Variants in GALNT14 observed in about 807,000 individuals in gnomAD.
GALNT14 encodes polypeptide N-acetylgalactosaminyltransferase 14.
In GALNT14, 60 loss-of-function variants were observed where a neutral mutation model predicts 77.5. The ratio of observed to expected loss-of-function variants is 0.77; its 90% confidence interval spans 0.63 to 0.96. The LOEUF is 0.96. Among genes scored for constraint, GALNT14 ranks in the 40% least tolerant of loss-of-function variants. The pLI is 0.00. For missense variants in GALNT14, 710 were observed against 731.0 expected, an observed-to-expected ratio of 0.97 and a Z score of 0.33; for synonymous variants, 280 against 281.7, an observed-to-expected ratio of 0.99 and a Z score of 0.06.
At chr2:30,960,520 G>A (rs1309309955) in intron 3 of GALNT14, among the ~76,000 whole-genome samples, 1 of 152,184 alleles carries the variant, frequency 6.6e-6, no homozygotes, top group Non-Finnish European at 1.5e-5. Context: ...AGCAGTGAGT[G>A]CTAATTAGAC....
intron 1 of GALNT14, among the ~76,000 whole-genome samples, chr2:31,072,274 CACACACAT>C (rs1317024552): frequency 4.1e-5 from 2 of 48,578 alleles, no homozygotes; most frequent in African/African-American, 1.8e-4. Context: ...CACACACACA[CACACACAT>C]ACACACACAC....
chr2:30,901,275 C>A, the GALNT14 span, among the ~76,000 whole-genome samples: 46 of 152,094 alleles, frequency 3.0e-4, no homozygotes, highest in African/African-American at 1.1e-3. Flanking sequence ...TCTCAGATCA[C>A]TCAAGAGAGT....
chr2:30,940,845 C>T (rs1047525634), intron 9 of GALNT14, among the ~76,000 whole-genome samples: 1 of 152,224 alleles, frequency 6.6e-6, no homozygotes, highest in South Asian at 2.1e-4. Flanking sequence ...GGAAGGGATT[C>T]GATTTTGTGT....
At chr2:31,060,521 G>A (rs1230197531) in intron 1 of GALNT14, among the ~76,000 whole-genome samples, 2 of 152,126 alleles carry the variant, frequency 1.3e-5, no homozygotes, top group South Asian at 2.1e-4. Context: ...ACAGACCATG[G>A]GGAACCTGTT....
intron 1 of GALNT14, among the ~76,000 whole-genome samples, chr2:31,081,137 G>A (rs569423448): frequency 6.6e-6 from 1 of 152,246 alleles, no homozygotes; most frequent in African/African-American, 2.4e-5. Context: ...AATACTTTCC[G>A]AAAATAAAAC....
At chr2:30,978,573 A>G (rs1435615789) in intron 2 of GALNT14, among the ~76,000 whole-genome samples, 2 of 152,142 alleles carry the variant, frequency 1.3e-5, no homozygotes, top group Admixed American at 6.5e-5. Context: ...GAACGTGGAT[A>G]ATTCTCTGTT....
Position 30,995,130 on chromosome 2 carries a change from TTGTGTGTGTG to T in GALNT14, c.130-2133_130-2124del, listed in dbSNP as rs3058232. On this transcript the variant is annotated intron_variant, in intron 1 of 14. Transcript: ENST00000349752. ...GTCCTCTAGACAAGCAGAACCAATG[TTGTGTGTGTG>T]TGTGTGTGTGTGTGTGTGTGTGTGT... Among the ~76,000 whole-genome samples, 660 of 144,142 alleles carry T rather than the reference TTGTGTGTGTG, an allele frequency of 4.6e-3. 4 individuals are homozygous for T. The highest frequency in any genetic ancestry group is 0.024 in the Middle Eastern group (7 of 290). 94.6% of individuals were successfully genotyped at this position (144,142 alleles called of 152,430 possible). A position where few individuals can be genotyped will look rare whatever the true frequency, so the allele number is the denominator to read the frequency against.
chr2:31,107,221 C>A (rs925716745), intron 1 of GALNT14, among the ~76,000 whole-genome samples: 2 of 152,118 alleles, frequency 1.3e-5, no homozygotes. Context: ...CCAGGAGGTA[C>A]GTTTCTTCAG....
chr2:30,923,941 G>A (rs1665191843), intron 13 of GALNT14, among the ~76,000 whole-genome samples, 178 bp downstream of exon 13: 1 of 152,208 alleles, frequency 6.6e-6, no homozygotes, highest in Non-Finnish European at 1.5e-5. Flanking sequence ...CACTTGGAAA[G>A]CAAGCAGTGT....
intron 14 of GALNT14, among the ~76,000 whole-genome samples, chr2:30,911,708 C>T (rs1461048764): frequency 6.6e-6 from 1 of 152,172 alleles, no homozygotes; most frequent in African/African-American, 2.4e-5. Context: ...GGTCACACAG[C>T]CTGTAAACCA....
rs1469375358 is a variant in GALNT14 at position 31,138,245 on chromosome 2, C to T, written c.-159G>A. The T allele has an allele frequency of 1.1e-6, 1 of 892,854 alleles. No homozygotes were observed. 55.3% of individuals were successfully genotyped at this position (892,854 alleles called of 1,614,324 possible). Reference sequence around the variant, plus strand: ...CGGCAGGATCCTGCAAGGCGCCCTTCCCGCTTCGAAGAGAAGCGAGCCTGG... The same window carrying T: ...CGGCAGGATCCTGCAAGGCGCCCTTTCCGCTTCGAAGAGAAGCGAGCCTGG... On this transcript the variant is annotated 5_prime_UTR_variant, in exon 1 of 15. Coordinates refer to ENST00000349752, the MANE Select transcript of GALNT14 (RefSeq NM_024572.4).
chr2:30,976,933 G>A (rs1174978843), intron 2 of GALNT14, among the ~76,000 whole-genome samples: 1 of 151,976 alleles, frequency 6.6e-6, no homozygotes, highest in African/African-American at 2.4e-5. Flanking sequence ...TGGTGGAGAG[G>A]GAAAGTCACA....
intron 1 of GALNT14, among the ~76,000 whole-genome samples, chr2:31,107,212 C>A (rs994009183): frequency 1.3e-5 from 2 of 152,128 alleles, no homozygotes; most frequent in African/African-American, 2.4e-5. Context: ...AAAGCAGGCC[C>A]AGGAGGTACG....
intron 1 of GALNT14, among the ~76,000 whole-genome samples, chr2:31,131,546 G>A (rs1369067417): frequency 6.6e-6 from 1 of 152,164 alleles, no homozygotes. Flanking sequence ...ATAGAAGAGT[G>A]ACAAAACTGC....
At chr2:31,017,169 C>G (rs1671420129) in intron 1 of GALNT14, among the ~76,000 whole-genome samples, 3 of 152,220 alleles carry the variant, frequency 2.0e-5, no homozygotes, top group Non-Finnish European at 4.4e-5. Flanking sequence ...CAGAAAGGTT[C>G]CTAAGACTCT....
At chr2:31,025,681 G>A (rs568357416) in intron 1 of GALNT14, among the ~76,000 whole-genome samples, 10 of 152,320 alleles carry the variant, frequency 6.6e-5, no homozygotes, top group Non-Finnish European at 1.2e-4. Flanking sequence ...GTGGCAATGA[G>A]AGGGCAAGTG....
At chr2:31,071,726 C>G (rs111486148) in intron 1 of GALNT14, among the ~76,000 whole-genome samples, 64 of 152,362 alleles carry the variant, frequency 4.2e-4, no homozygotes, top group African/African-American at 1.5e-3. Context: ...CTGCCTGCCT[C>G]TGGATTCTGA....
chr2:30,915,515 T>C (rs576045586), intron 13 of GALNT14, among the ~76,000 whole-genome samples: 7 of 152,134 alleles, frequency 4.6e-5, no homozygotes, highest in Non-Finnish European at 1.0e-4. Flanking sequence ...AACAGGAGCA[T>C]ACAGGTGGGA....
chr2:30,925,977 G>C (rs376457056), intron 11 of GALNT14, among the ~76,000 whole-genome samples: 2 of 152,096 alleles, frequency 1.3e-5, no homozygotes, highest in African/African-American at 4.8e-5. Context: ...CACACCTCTC[G>C]GCACCCACCT....
Sources: gnomAD v4.1 joint callset for allele counts (sites outside exome capture counted in the v4.1 genomes callset) on GRCh38, gnomAD v4.1.1 for gene constraint, MANE v1.5 for transcripts, NCBI Gene and HGNC (gene_info 2026-07-23, HGNC 2026-07-21) for gene names.